The following XRCC5 variants were observed in gnomAD, a reference collection of about 807,000 sequenced individuals.
The protein encoded by XRCC5 is X-ray repair cross complementing 5, also known as DNA repair protein Ku80.
In XRCC5, 12 loss-of-function variants were observed where a neutral mutation model predicts 95.7. That is an observed-to-expected ratio of 0.13 (90% confidence interval 0.08 to 0.20). The LOEUF is 0.20. Ranked by LOEUF, XRCC5 falls within the 10% of genes least tolerant of loss-of-function variation. The probability of loss-of-function intolerance (pLI) is 1.00; values close to 1 mark genes in which losing one functional copy is unlikely to be tolerated. For synonymous variants in XRCC5, 281 were observed against 290.3 expected (o/e 0.97, Z 0.33); for missense variants, 595 against 873.9 (o/e 0.68, Z 4.02).
intron 13 of XRCC5, among the ~76,000 whole-genome samples, chr2:216,141,688 C>T (rs1026103709): frequency 3.3e-5 from 5 of 152,018 alleles, no homozygotes; most frequent in African/African-American, 1.2e-4. Flanking sequence ...CTCTTCCCGC[C>T]TCAGTCTCCT....
chr2:216,192,774 T>A (rs763914532), intron 18 of XRCC5, 39 bp downstream of exon 18: 13 of 1,333,656 alleles, frequency 9.7e-6, no homozygotes, highest in Admixed American at 7.1e-5. Flanking sequence ...AAAGTATTTT[T>A]AAAATACTTA....
At chr2:216,173,878 C>G (rs1371918315) in intron 16 of XRCC5, among the ~76,000 whole-genome samples, 2 of 152,200 alleles carry the variant, frequency 1.3e-5, no homozygotes. Context: ...GCCTCCAGAA[C>G]TGTGAGCTAA....
At chr2:216,154,545 C>T (rs556585600) in intron 14 of XRCC5, among the ~76,000 whole-genome samples, 1 of 152,300 alleles carries the variant, frequency 6.6e-6, no homozygotes, top group Non-Finnish European at 1.5e-5. Flanking sequence ...ATTTGTCTTA[C>T]CCCTTTCCAA....
At chr2:216,150,848 C>T (rs948822117) in intron 14 of XRCC5, among the ~76,000 whole-genome samples, 2 of 152,038 alleles carry the variant, frequency 1.3e-5, no homozygotes, top group African/African-American at 4.8e-5. Flanking sequence ...GAGATCATGC[C>T]ACTGCACTCC....
chr2:216,202,169 A>C (rs939547952), intron 19 of XRCC5, among the ~76,000 whole-genome samples: 2 of 152,150 alleles, frequency 1.3e-5, no homozygotes, highest in African/African-American at 4.8e-5. Flanking sequence ...AAGCCTATGG[A>C]GTTTTTCAGA....
chr2:216,201,163 G>A (rs1689827073), intron 19 of XRCC5, among the ~76,000 whole-genome samples: 1 of 152,212 alleles, frequency 6.6e-6, no homozygotes, highest in African/African-American at 2.4e-5. Flanking sequence ...CTCCACACTA[G>A]GCTGCAGGAT....
chr2:216,116,616 ATTGT>A lies in XRCC5; in HGVS notation c.136-41_136-38del, dbSNP rs747961486. 46 of 1,612,090 alleles carry A rather than the reference ATTGT, an allele frequency of 2.9e-5. No individual in the cohort carries two copies. In the Admixed American group the frequency reaches 6.5e-4, roughly 23 times the overall value. ...AGGTTAGGTATTTTATTGCTTCCAG[ATTGT>A]TCTAATATGGTTTTCAGCCATCTGA... On this transcript the variant is annotated intron_variant, in intron 2 of 20. Coordinates refer to ENST00000392132, the MANE Select transcript of XRCC5 (RefSeq NM_021141.4).
chr2:216,185,811 G>A (rs1461492571), intron 16 of XRCC5, among the ~76,000 whole-genome samples: 3 of 151,976 alleles, frequency 2.0e-5, no homozygotes, highest in African/African-American at 7.3e-5. Context: ...TTTTAGTAGA[G>A]ACAGGGTTTC....
intron 5 of XRCC5, 36 bp downstream of exon 5, chr2:216,119,201 T>A: frequency 6.2e-7 from 1 of 1,611,168 alleles, no homozygotes; most frequent in Non-Finnish European, 8.5e-7. Flanking sequence ...AGACAAATCC[T>A]ATGATTTCCT....
rs1372614143 is a variant in XRCC5 at position 216,141,339 on chromosome 2, C to T, written c.1476+20C>T. ...TTTCAGGTAAGAGAAGAAGGATGAA[C>T]AAGTCATATTTCTTTTAAATGAAAG... is the stretch of plus-strand genomic sequence containing the variant. On this transcript the variant is annotated intron_variant, in intron 13 of 20. Coordinates refer to ENST00000392132, the MANE Select transcript of XRCC5 (RefSeq NM_021141.4). 6.2e-7 allele frequency: 1 copy of T among 1,613,472 alleles called. No homozygotes were observed. Among genetic ancestry groups the T allele is most frequent in the East Asian group, 2.2e-5 (1 of 44,864 alleles).
At chr2:216,120,039 G>A (rs941894443) in intron 5 of XRCC5, among the ~76,000 whole-genome samples, 13 of 152,206 alleles carry the variant, frequency 8.5e-5, no homozygotes, top group African/African-American at 3.1e-4. Context: ...CTGCCTGGGG[G>A]TATTAAGAAC....
chr2:216,123,715 T>C (rs1454788496), intron 6 of XRCC5, among the ~76,000 whole-genome samples: 1 of 152,200 alleles, frequency 6.6e-6, no homozygotes, highest in Admixed American at 6.5e-5. Context: ...CTGAGGCAAG[T>C]GAATCACTTG....
chr2:216,181,917 AG>A, intron 16 of XRCC5, among the ~76,000 whole-genome samples: 1 of 152,326 alleles, frequency 6.6e-6, no homozygotes, highest in South Asian at 2.1e-4. Context: ...GAAAGGATAG[AG>A]GGGGGAAAAT....
Position 216,131,006 on chromosome 2 carries a change from T to C in XRCC5, c.1050+19T>C. 6.3e-7 allele frequency: 1 copy of C among 1,578,908 alleles called. No individual in the cohort carries two copies. The highest frequency in any genetic ancestry group is 8.7e-7 in the Non-Finnish European group (1 of 1,152,432). ...TTCTCAGGTATGATTGTGAACAAAC[T>C]AAATGAGCTTTTTCCTAGCTGTTAT... On this transcript the variant is annotated intron_variant, in intron 9 of 20. Transcript: ENST00000392132.
chr2:216,149,626 C>T (rs1050401709), intron 14 of XRCC5, among the ~76,000 whole-genome samples: 3 of 152,162 alleles, frequency 2.0e-5, no homozygotes, highest in Non-Finnish European at 4.4e-5. Context: ...TGTTAAATCT[C>T]CAGTCCGTGA....
intron 16 of XRCC5, among the ~76,000 whole-genome samples, chr2:216,170,037 CAAAAAAAAAAAAAAA>C (rs71047982): frequency 2.6e-4 from 14 of 53,606 alleles, no homozygotes; most frequent in African/African-American, 4.3e-4. Flanking sequence ...GACTGTGTCT[CAAAAAAAAAAAAAAA>C]AAAAAAAAAA....
Position 216,147,659 on chromosome 2 carries a change from A to G in XRCC5, c.1477-424A>G, listed in dbSNP as rs556591649. 1.0e-3 allele frequency among the ~76,000 whole-genome samples: 158 copies of G among 152,316 alleles called. 1 individual carries two copies. Among genetic ancestry groups the G allele is most frequent in the African/African-American group, 3.6e-3 (150 of 41,576 alleles). ...TGTAGCCACCTGTTTCATCCACCAC[A>G]TGGCATTCTCTGAGATTAAGTGAGG... On this transcript the variant is annotated intron_variant, in intron 13 of 20. Transcript: ENST00000392132.
intron 14 of XRCC5, among the ~76,000 whole-genome samples, chr2:216,149,564 A>G (rs1348051877): frequency 1.3e-5 from 2 of 151,966 alleles, no homozygotes; most frequent in African/African-American, 4.8e-5. Flanking sequence ...TTTTCTTTCT[A>G]TGACACCTTG....
At chr2:216,163,172 TCA>T (rs1688986059) in intron 16 of XRCC5, among the ~76,000 whole-genome samples, 1 of 151,936 alleles carries the variant, frequency 6.6e-6, no homozygotes, top group African/African-American at 2.4e-5. Context: ...TCTCGCTGTG[TCA>T]CCCAGGCTGG....
Sources: gnomAD v4.1 joint callset for allele counts (sites outside exome capture counted in the v4.1 genomes callset) on GRCh38, gnomAD v4.1.1 for gene constraint, MANE v1.5 for transcripts, NCBI Gene and HGNC (gene_info 2026-07-23, HGNC 2026-07-21) for gene names.